MOCS1: variants seen among roughly 807,000 people sequenced by gnomAD.
MOCS1 encodes the protein molybdenum cofactor biosynthesis protein 1.
In MOCS1, 39 loss-of-function variants were observed where a neutral mutation model predicts 57.6. That is an observed-to-expected ratio of 0.68 (90% CI 0.52 to 0.88). The LOEUF (loss-of-function observed/expected upper bound fraction) is 0.88. MOCS1 is among the 40% of genes least tolerant of loss of function. The pLI, the probability that MOCS1 is intolerant of heterozygous loss-of-function variation, is 0.00. For synonymous variants in MOCS1, 334 were observed against 335.7 expected, an observed-to-expected ratio of 1.00 and a Z score of 0.05; for missense variants, 795 against 831.1, an observed-to-expected ratio of 0.96 and a Z score of 0.53.
At chr6:39,914,792 C>T (rs1767560255) in intron 4 of MOCS1, among the ~76,000 whole-genome samples, 1 of 152,102 alleles carries the variant, frequency 6.6e-6, no homozygotes, top group Non-Finnish European at 1.5e-5. Context: ...TAAAACACTC[C>T]CCTCCAAAGG....
At chr6:39,920,312 T>G (rs781741462) in intron 3 of MOCS1, among the ~76,000 whole-genome samples, 1 of 152,152 alleles carries the variant, frequency 6.6e-6, no homozygotes, top group Non-Finnish European at 1.5e-5. Context: ...ATCTCTTACA[T>G]AGGGCGGGTG....
chr6:39,925,433 T>C (rs1232625459), intron 3 of MOCS1, among the ~76,000 whole-genome samples: 2 of 152,146 alleles, frequency 1.3e-5, no homozygotes, highest in Admixed American at 6.5e-5. Flanking sequence ...TTGGTCTCAA[T>C]GTGACAGCAA....
At chr6:39,919,295 C>T (rs1489465288) in intron 3 of MOCS1, among the ~76,000 whole-genome samples, 1 of 152,018 alleles carries the variant, frequency 6.6e-6, no homozygotes, top group Non-Finnish European at 1.5e-5. Flanking sequence ...GACCAGCCTG[C>T]CCAACGTAGT....
intron 8 of MOCS1, 25 bp downstream of exon 8, chr6:39,912,239 T>C (rs1767375011): frequency 6.5e-7 from 1 of 1,535,098 alleles, no homozygotes; most frequent in East Asian, 2.2e-5. Flanking sequence ...TGGCAAGGGG[T>C]CCCTGTGGAG....
At chr6:39,933,439 G>A (rs560278224) in intron 1 of MOCS1, among the ~76,000 whole-genome samples, 1 of 152,198 alleles carries the variant, frequency 6.6e-6, no homozygotes, top group African/African-American at 2.4e-5. Flanking sequence ...GGAAGTCATT[G>A]AGCAATATAG....
chr6:39,927,957 T>G (rs1228207850), intron 1 of MOCS1, among the ~76,000 whole-genome samples: 1 of 152,086 alleles, frequency 6.6e-6, no homozygotes, highest in Non-Finnish European at 1.5e-5. Flanking sequence ...TATCGGTCCT[T>G]GGAGAGTACA....
In MOCS1 at chr6:39,906,472, A is replaced by G. The variant is rs1431639093; in HGVS notation, c.1796T>C (p.Val599Ala). 6.2e-6 allele frequency: 10 copies of G among 1,613,908 alleles called. No homozygotes were observed. The highest frequency in any genetic ancestry group is 8.5e-6 in the Non-Finnish European group (10 of 1,179,814). Residue 599 changes from valine (V) to alanine (A), a missense_variant, in exon 11 of 11, where the codon GTG (valine) becomes GCG (alanine). Physicochemically the swap from Val to Ala is moderately conservative, Grantham distance 64. This residue lies in a region of MOCS1 where 374 missense variants were observed against 422.6 expected (regional missense o/e 0.89). Coordinates refer to ENST00000340692, the MANE Select transcript of MOCS1 (RefSeq NM_001358530.2). ...VEMEALTSAAVAALTLYDMCK... is the reference protein window; with the variant it reads ...VEMEALTSAAAAALTLYDMCK... Reference sequence around the variant, plus strand: ...CATGTCATACAGGGTGAGGGCGGCCACTGCAGCAGAGGTCAGGGCCTCCAT... The same window carrying G: ...CATGTCATACAGGGTGAGGGCGGCCGCTGCAGCAGAGGTCAGGGCCTCCAT...
chr6:39,904,569 CCT>C lies in MOCS1; in HGVS notation c.*1786_*1787del, dbSNP rs964164124. 43 of 446,670 alleles carry C rather than the reference CCT, an allele frequency of 9.6e-5. No individual in the cohort carries two copies. The highest frequency in any genetic ancestry group is 3.5e-4 in the African/African-American group (16 of 45,082). The allele number at this position is 446,670 out of a possible 1,614,324, so 27.7% of individuals were successfully genotyped here. A position where few individuals can be genotyped will look rare whatever the true frequency, so the allele number is the denominator to read the frequency against. On this transcript the variant is annotated 3_prime_UTR_variant, in exon 11 of 11. Coordinates refer to ENST00000340692, the MANE Select transcript of MOCS1 (RefSeq NM_001358530.2). Reference sequence around the variant, plus strand: ...ACAACCTTCTCAGCAGCATTTCTCCCCTGTGATGGAAATAAAGTGTTTAGGGC... The same window carrying C: ...ACAACCTTCTCAGCAGCATTTCTCCCGTGATGGAAATAAAGTGTTTAGGGC...
intron 1 of MOCS1, among the ~76,000 whole-genome samples, chr6:39,932,115 T>G (rs2149427015): frequency 6.6e-6 from 1 of 152,282 alleles, no homozygotes; most frequent in Admixed American, 6.5e-5. Flanking sequence ...ACCCTCATCC[T>G]GCCACACAAA....
rs1766767192 is a variant in MOCS1 at position 39,905,059 on chromosome 6, C to G, written c.*1298G>C. 2.2e-6 allele frequency: 1 copy of G among 454,034 alleles called. No individual in the cohort carries two copies. Among genetic ancestry groups the G allele is most frequent in the Non-Finnish European group, 4.4e-6 (1 of 226,822 alleles). The allele number at this position is 454,034 out of a possible 1,614,324, so 28.1% of individuals were successfully genotyped here. On this transcript the variant is annotated 3_prime_UTR_variant, in exon 11 of 11. Coordinates refer to ENST00000340692, the MANE Select transcript of MOCS1 (RefSeq NM_001358530.2). ...GTATTTATATCACAAATTGTCTTTT[C>G]CAGAGAGCTGGTTGTTTAATATTTG...
At chr6:39,930,346 C>T (rs577414759) in intron 1 of MOCS1, among the ~76,000 whole-genome samples, 11 of 152,328 alleles carry the variant, frequency 7.2e-5, no homozygotes, top group Admixed American at 7.2e-4. Context: ...GTAGGAAGCA[C>T]TCAACGGATC....
rs937897381 is a variant in MOCS1 at position 39,912,318 on chromosome 6, C to T, written c.927G>A (p.Glu309=). ...GQISFITSMS[E]HFCGTCNRLR... is the part of the protein sequence containing the mutation. ...GGCGGTTGCAGGTCCCACAGAAATG[C>T]TCAGACATGGATGTGATGAAGCTGA... Residue 309 remains glutamate, a synonymous_variant, in exon 8 of 11, where the codon GAG becomes GAA. Coordinates refer to ENST00000340692, the MANE Select transcript of MOCS1 (RefSeq NM_001358530.2). The T allele has an allele frequency of 1.2e-6, 2 of 1,613,914 alleles. No individual in the cohort carries two copies. Among genetic ancestry groups the T allele is most frequent in the African/African-American group, 2.7e-5 (2 of 74,918 alleles).
chr6:39,927,263 G>A (rs1479586259), intron 2 of MOCS1, 66 bp downstream of exon 2: 1 of 1,585,464 alleles, frequency 6.3e-7, no homozygotes, highest in East Asian at 2.2e-5. Flanking sequence ...CCAGGCACAG[G>A]GAAATTTCAA....
At chr6:39,915,925 G>C in intron 4 of MOCS1, 143 bp downstream of exon 4, 1 of 1,003,586 alleles carries the variant, frequency 1.0e-6, no homozygotes, top group Non-Finnish European at 1.5e-6. Flanking sequence ...GCAAAGATGA[G>C]GGGTGAGAAA....
chr6:39,912,842 G>A (rs1449313037), intron 7 of MOCS1, 50 bp downstream of exon 7: 2 of 1,399,570 alleles, frequency 1.4e-6, no homozygotes, highest in East Asian at 2.3e-5. Context: ...ATCCTAGGGT[G>A]GAGGTACGAC....
intron 6 of MOCS1, 64 bp from the exon 7 acceptor site, chr6:39,913,068 CTT>C (rs1767434977): frequency 1.2e-5 from 16 of 1,308,024 alleles, no homozygotes; most frequent in Non-Finnish European, 1.8e-5. Context: ...GCCCCGGGGT[CTT>C]TGAGTCCATC....
At position 39,925,674 on chromosome 6, in the gene MOCS1, T is replaced by G; in HGVS notation, c.418+4A>C. The stretch of plus-strand genomic sequence containing the variant: ...GAAGTGGCGATGACTTTCGTCCAAC[T>G]CACCCACAATGTCCACCACGTCCGG... On this transcript the variant is annotated splice_donor_region_variant and intron_variant, in intron 3 of 10. Transcript: ENST00000340692. 1 of 1,612,770 alleles carries G rather than the reference T, an allele frequency of 6.2e-7. No homozygotes were observed. Among genetic ancestry groups the G allele is most frequent in the Middle Eastern group, 1.7e-4 (1 of 6,060 alleles).
rs772252113 is a variant in MOCS1 at position 39,909,084 on chromosome 6, T to C, written c.1121A>G (p.Gln374Arg). The change falls in exon 10 of 11, where the codon CAG becomes CGG. Residue 374 changes from glutamine (Q) to arginine (R), a missense_variant. Around this residue, in one of 3 missense-constraint regions of MOCS1, gnomAD observed 374 missense variants for 422.6 expected, o/e 0.89. Coordinates refer to ENST00000340692, the MANE Select transcript of MOCS1 (RefSeq NM_001358530.2). ...GAGGATCATGGGCCGGTTCTTCATC[T>C]GGGAAATACTGAACATGCCTGGGGT... ...RQHAGMFSIS[Q>R]MKNRPMILIE... is the part of the protein sequence containing the mutation. 1.9e-6 allele frequency: 3 copies of C among 1,599,664 alleles called. No individual in the cohort carries two copies. Among genetic ancestry groups the C allele is most frequent in the South Asian group, 2.2e-5 (2 of 90,528 alleles).
rs1341066830 is a variant in MOCS1, at chr6:39,904,533, A to G, written c.*1824T>C. 2.2e-6 allele frequency: 1 copy of G among 454,132 alleles called. No individual in the cohort carries two copies. Among genetic ancestry groups the G allele is most frequent in the Non-Finnish European group, 4.4e-6 (1 of 226,950 alleles). 28.1% of individuals were successfully genotyped at this position (454,132 alleles called of 1,614,324 possible). ...GTGGCCAATGTAAAATTCGTCATCAACCTAACAAACACAACCTTCTCAGCA... is the reference window on the plus strand; with the variant it reads ...GTGGCCAATGTAAAATTCGTCATCAGCCTAACAAACACAACCTTCTCAGCA... On this transcript the variant is annotated 3_prime_UTR_variant, in exon 11 of 11. Coordinates refer to ENST00000340692, the MANE Select transcript of MOCS1 (RefSeq NM_001358530.2).
Sources: gnomAD v4.1 joint callset for allele counts (sites outside exome capture counted in the v4.1 genomes callset) on GRCh38, gnomAD v4.1.1 for gene constraint, gnomAD v4.1.1 regional missense constraint, MANE v1.5 for transcripts, NCBI Gene and HGNC (gene_info 2026-07-23, HGNC 2026-07-21) for gene names.